Variants in RTN4RL1 observed in about 807,000 individuals in gnomAD.
The protein encoded by RTN4RL1 is reticulon-4 receptor-like 1.
Under a neutral mutation model 25.6 loss-of-function variants are expected in RTN4RL1, and 7 were observed. That is an observed-to-expected ratio of 0.27 (90% confidence interval 0.16 to 0.51). The LOEUF (loss-of-function observed/expected upper bound fraction) is 0.51. Among genes scored for constraint, RTN4RL1 ranks in the 20% least tolerant of loss-of-function variants. The pLI is 0.97. For missense variants in RTN4RL1, 500 were observed against 615.6 expected, an observed-to-expected ratio of 0.81 and a Z score of 1.99; for synonymous variants, 297 against 288.2, an observed-to-expected ratio of 1.03 and a Z score of -0.31.
At chr17:2,000,125 C>T (rs948258900) in intron 1 of RTN4RL1, among the ~76,000 whole-genome samples, 1 of 152,264 alleles carries the variant, frequency 6.6e-6, no homozygotes, top group Non-Finnish European at 1.5e-5. Flanking sequence ...AGGCTGACAG[C>T]TGTGTCAGGG....
At chr17:1,968,915 C>T (rs2066805325) in intron 1 of RTN4RL1, among the ~76,000 whole-genome samples, 1 of 152,148 alleles carries the variant, frequency 6.6e-6, no homozygotes, top group Non-Finnish European at 1.5e-5. Context: ...ATGGACAGTG[C>T]CAGGCCACAT....
chr17:1,965,525 G>T (rs1014851688), intron 1 of RTN4RL1, among the ~76,000 whole-genome samples: 7 of 152,170 alleles, frequency 4.6e-5, no homozygotes, highest in Non-Finnish European at 8.8e-5. Context: ...TGGCCCCATG[G>T]ACTTACTGTC....
intron 1 of RTN4RL1, among the ~76,000 whole-genome samples, chr17:1,970,041 A>C (rs1465087757): frequency 3.4e-5 from 4 of 118,958 alleles, no homozygotes; most frequent in South Asian, 5.4e-4. Flanking sequence ...TTTTTTTTTG[A>C]GATAGAGTTT....
At chr17:1,963,657 A>G (rs1485764911) in intron 1 of RTN4RL1, among the ~76,000 whole-genome samples, 1 of 152,248 alleles carries the variant, frequency 6.6e-6, no homozygotes, top group African/African-American at 2.4e-5. Context: ...GCACTTCACC[A>G]TGGAGGCAAA....
At chr17:1,969,714 G>A (rs7225086) in intron 1 of RTN4RL1, among the ~76,000 whole-genome samples, 89,951 of 152,060 alleles carry the variant, frequency 0.59, 26,927 homozygotes, top group Admixed American at 0.71. Context: ...AGCCTTTACC[G>A]GTTCTCATTT....
intron 1 of RTN4RL1, among the ~76,000 whole-genome samples, chr17:1,953,549 TA>T (rs1308702648): frequency 7.0e-6 from 1 of 141,988 alleles, no homozygotes; most frequent in Non-Finnish European, 1.6e-5. Flanking sequence ...ACTCAAAGTA[TA>T]AAAAAAATTG....
intron 1 of RTN4RL1, among the ~76,000 whole-genome samples, chr17:1,940,305 C>T (rs776194025): frequency 1.6e-4 from 24 of 152,310 alleles, no homozygotes; most frequent in Non-Finnish European, 2.9e-4. Context: ...TCAGCGGTGG[C>T]GGTGGCACAG....
chr17:1,948,587 AGGCGGACGGGCAGACACAGGTGGACG>A (rs981990983), intron 1 of RTN4RL1, among the ~76,000 whole-genome samples: 16 of 152,174 alleles, frequency 1.1e-4, no homozygotes, highest in African/African-American at 3.6e-4. Flanking sequence ...AGGCGGACAC[AGGCGGACGGGCAGACACAGGTGGACG>A]GGCGGACGGG....
chr17:1,987,104 A>G (rs1231103798), intron 1 of RTN4RL1, among the ~76,000 whole-genome samples: 1 of 152,174 alleles, frequency 6.6e-6, no homozygotes, highest in Non-Finnish European at 1.5e-5. Context: ...GTAGGCAGCC[A>G]TTTATTACAG....
chr17:1,939,246 G>A (rs1050779897), intron 1 of RTN4RL1, among the ~76,000 whole-genome samples: 8 of 147,730 alleles, frequency 5.4e-5, no homozygotes, highest in South Asian at 2.1e-4. Flanking sequence ...CCAGCTACTT[G>A]GGAGGCTGAG....
intron 1 of RTN4RL1, among the ~76,000 whole-genome samples, chr17:1,955,622 C>T (rs971019803): frequency 6.6e-6 from 1 of 151,048 alleles, no homozygotes; most frequent in African/African-American, 2.4e-5. Flanking sequence ...CTCACTCTGT[C>T]GCCCAGGCTG....
At chr17:1,988,403 CAAAAA>C (rs398030159) in intron 1 of RTN4RL1, among the ~76,000 whole-genome samples, 1 of 77,218 alleles carries the variant, frequency 1.3e-5, no homozygotes, top group Non-Finnish European at 2.4e-5. Flanking sequence ...GACTCCGCCT[CAAAAA>C]AAAAAAAAAA....
chr17:1,956,422 A>T (rs1326842096), intron 1 of RTN4RL1, among the ~76,000 whole-genome samples: 1 of 128,296 alleles, frequency 7.8e-6, no homozygotes, highest in Non-Finnish European at 1.6e-5. Flanking sequence ...AAGGCTGAGG[A>T]CTCAAGTGGG....
chr17:1,972,633 T>G (rs543408110), intron 1 of RTN4RL1, among the ~76,000 whole-genome samples: 5 of 152,310 alleles, frequency 3.3e-5, no homozygotes, highest in Admixed American at 2.6e-4. Flanking sequence ...CCCAGACTCG[T>G]GCCTGTTTTC....
chr17:2,009,080 A>G (rs1324565970), intron 1 of RTN4RL1, among the ~76,000 whole-genome samples: 1 of 152,144 alleles, frequency 6.6e-6, no homozygotes, highest in African/African-American at 2.4e-5. Context: ...AAATGGGGAG[A>G]AAAGGGTGAT....
chr17:1,998,056 G>T lies in RTN4RL1; in HGVS notation c.13+26797C>A, dbSNP rs1034906026. 2.6e-5 allele frequency among the ~76,000 whole-genome samples: 4 copies of T among 152,172 alleles called. No individual in the cohort carries two copies. Among genetic ancestry groups the T allele is most frequent in the Middle Eastern group, 3.4e-3 (1 of 294 alleles). ...ACCCCCACCCCCGCCTCCGCCCCAG[G>T]CCGCGATCGATCCCGGCCTCTCCCG... is the stretch of plus-strand genomic sequence containing the variant. On this transcript the variant is annotated intron_variant, in intron 1 of 1. Transcript: ENST00000331238. The surrounding 1 kb of genome is among the most constrained non-coding windows in gnomAD (Gnocchi z 4.9).
In RTN4RL1 at chr17:2,011,120, G is replaced by A. The variant is rs139440075; in HGVS notation, c.13+13733C>T. Among the ~76,000 whole-genome samples the A allele has an allele frequency of 2.8e-3, 422 of 152,114 alleles. 1 individual carries two copies. The highest frequency in any genetic ancestry group is 9.7e-3 in the African/African-American group (404 of 41,478). On this transcript the variant is annotated intron_variant, in intron 1 of 1. Transcript: ENST00000331238. ...TACAAAATTGGCCGGGCGTGATGGCGCATGCCTGTAATCCCAGCTACTCGG... is the reference window on the plus strand; with the variant it reads ...TACAAAATTGGCCGGGCGTGATGGCACATGCCTGTAATCCCAGCTACTCGG...
chr17:2,011,395 C>G (rs1018257391), intron 1 of RTN4RL1, among the ~76,000 whole-genome samples: 1 of 152,200 alleles, frequency 6.6e-6, no homozygotes, highest in South Asian at 2.1e-4. Flanking sequence ...TAACACGGTC[C>G]GACAGGAGTC....
intron 1 of RTN4RL1, among the ~76,000 whole-genome samples, chr17:1,962,377 AG>A (rs2151310403): frequency 6.6e-6 from 1 of 151,906 alleles, no homozygotes; most frequent in African/African-American, 2.4e-5. Flanking sequence ...TTATTTTTTG[AG>A]ATGGGGTCTC....
Sources: gnomAD v4.1 joint callset for allele counts (sites outside exome capture counted in the v4.1 genomes callset) on GRCh38, gnomAD v4.1.1 for gene constraint, Gnocchi (gnomAD v3.1) non-coding constraint, MANE v1.5 for transcripts, NCBI Gene and HGNC (gene_info 2026-07-23, HGNC 2026-07-21) for gene names.